Variants in CHGB observed in about 807,000 individuals in gnomAD.
CHGB encodes the protein chromogranin B, also known as secretogranin-1.
A neutral mutation model predicts 69.9 loss-of-function variants in CHGB; 46 were observed. The ratio of observed to expected loss-of-function variants is 0.66; its 90% CI spans 0.52 to 0.84. The LOEUF is 0.84. Among genes scored for constraint, CHGB ranks in the 40% least tolerant of loss-of-function variants. CHGB has a pLI of 0.00. For missense variants in CHGB, 796 were observed against 822.2 expected, an observed-to-expected ratio of 0.97 and a Z score of 0.39; for synonymous variants, 312 against 298.2, an observed-to-expected ratio of 1.05 and a Z score of -0.48.
rs531437204 is a variant in CHGB at position 5,922,687 on chromosome 20, T to C, written c.543T>C (p.Asp181=). The change falls in exon 4 of 5, where the codon GAT becomes GAC. Residue 181 remains aspartate, a synonymous_variant. Transcript: ENST00000378961. ...ENYQKGERGE[D]SSEEKHLEEP... ...ATCAAAAAGGGGAGCGAGGGGAAGA[T>C]AGCAGTGAAGAGAAACACCTTGAAG... 6.2e-7 allele frequency: 1 copy of C among 1,613,812 alleles called. No homozygotes were observed. Among genetic ancestry groups the C allele is most frequent in the South Asian group, 1.1e-5 (1 of 91,068 alleles).
intron 1 of CHGB, among the ~76,000 whole-genome samples, chr20:5,912,340 T>A (rs2088451537): frequency 6.6e-6 from 1 of 152,212 alleles, no homozygotes; most frequent in Non-Finnish European, 1.5e-5. Flanking sequence ...AGGAATTATT[T>A]TTTTTTAACC....
Position 5,923,946 on chromosome 20 carries a change from A to G in CHGB, c.1802A>G (p.Tyr601Cys). The G allele has an allele frequency of 6.2e-7, 1 of 1,614,178 alleles. No homozygotes were observed. The highest frequency in any genetic ancestry group is 8.5e-7 in the Non-Finnish European group (1 of 1,180,018). ...RVPKLDLKRQ[Y>C]DRVAQLDQLL... ...CCCAAGCTGGACCTGAAAAGGCAAT[A>G]TGACAGGGTGGCCCAACTGGACCAG... is the stretch of plus-strand genomic sequence containing the variant. Residue 601 changes from tyrosine to cysteine, a missense_variant, in exon 4 of 5, where the codon TAT (tyrosine) becomes TGT (cysteine). Transcript: ENST00000378961.
At chr20:5,915,005 C>G (rs1366625245) in intron 1 of CHGB, among the ~76,000 whole-genome samples, 1 of 152,192 alleles carries the variant, frequency 6.6e-6, no homozygotes, top group Non-Finnish European at 1.5e-5. Context: ...ATTTGAATAG[C>G]TTTCATGTCT....
intron 4 of CHGB, 55 bp downstream of exon 4, chr20:5,924,155 T>G: frequency 6.7e-7 from 1 of 1,494,746 alleles, no homozygotes; most frequent in Middle Eastern, 1.8e-4. Context: ...GTTAGCACAT[T>G]ATGTTCAAGA....
At position 5,925,050 on chromosome 20, in the gene CHGB, C is replaced by G; in HGVS notation, c.*1C>G. 1 of 1,604,974 alleles carries G rather than the reference C, an allele frequency of 6.2e-7. No individual in the cohort carries two copies. Among genetic ancestry groups the G allele is most frequent in the Non-Finnish European group, 8.5e-7 (1 of 1,172,082 alleles). ...TGAGAAATTCAGCCAAAGGGGCTGA[C>G]TGTCATTGGAGCGGTGGGCACTGTT... On this transcript the variant is annotated 3_prime_UTR_variant, in exon 5 of 5. Transcript: ENST00000378961.
At chr20:5,914,526 G>C (rs569256255) in intron 1 of CHGB, 1 of 152,168 alleles carries the variant, frequency 6.6e-6, no homozygotes, top group African/African-American at 2.4e-5. Context: ...AAAAGGGAAA[G>C]TATTAGCAAG....
At chr20:5,919,821 C>A (rs1274291655) in intron 3 of CHGB, among the ~76,000 whole-genome samples, 2 of 152,164 alleles carry the variant, frequency 1.3e-5, no homozygotes, top group Non-Finnish European at 2.9e-5. Context: ...TGTTCCACCC[C>A]ACGCCCATCT....
chr20:5,917,377 CAGTG>C lies in CHGB; in HGVS notation c.190+461_190+464del, dbSNP rs1156877055. On this transcript the variant is annotated intron_variant, in intron 3 of 4. Coordinates refer to ENST00000378961, the MANE Select transcript of CHGB (RefSeq NM_001819.3). ...TTCTCTTTGCCTTTTGCTCTTCTGA[CAGTG>C]AGAATCAGGAAGCTGAGAAGCAAGA... The C allele has an allele frequency of 1.9e-5, 3 of 159,240 alleles. No homozygotes were observed. In the South Asian group the frequency reaches 5.4e-4, roughly 29 times the overall value. The allele number at this position is 159,240 out of a possible 1,614,324, so 9.9% of individuals were successfully genotyped here. A position where few individuals can be genotyped will look rare whatever the true frequency, so the allele number is the denominator to read the frequency against.
intron 3 of CHGB, among the ~76,000 whole-genome samples, chr20:5,920,327 C>A (rs1369251060): frequency 6.6e-6 from 1 of 152,226 alleles, no homozygotes; most frequent in African/African-American, 2.4e-5. Flanking sequence ...CTATTTCAAC[C>A]AACTCTCAGA....
At chr20:5,915,827 A>G (rs2122568373) in intron 1 of CHGB, 1 of 152,838 alleles carries the variant, frequency 6.5e-6, no homozygotes, top group East Asian at 1.9e-4. Flanking sequence ...GGTTCAAGCA[A>G]TTCTCCTGCC....
intron 1 of CHGB, among the ~76,000 whole-genome samples, chr20:5,913,628 CTTTTT>C (rs918275521): frequency 4.4e-4 from 40 of 90,450 alleles, no homozygotes; most frequent in Non-Finnish European, 8.1e-4. Flanking sequence ...CTTTTCTTTT[CTTTTT>C]TTTTTTTTTT....
At chr20:5,918,161 A>AAAAAC (rs1165662996) in intron 3 of CHGB, among the ~76,000 whole-genome samples, 4 of 148,894 alleles carry the variant, frequency 2.7e-5, no homozygotes, top group African/African-American at 1.0e-4. Flanking sequence ...AAAAAAAAAA[A>AAAAAC]AAAAAAAAAA....
chr20:5,924,039 C>A lies in CHGB; in HGVS notation c.1895C>A (p.Thr632Asn). 1 of 1,613,628 alleles carries A rather than the reference C, an allele frequency of 6.2e-7. No homozygotes were observed. Among genetic ancestry groups the A allele is most frequent in the Non-Finnish European group, 8.5e-7 (1 of 1,179,780 alleles). ...TATGATTCTGAGGAGCCGGTGAGCA[C>A]CCACCAGGAGGCAGAAAATGAAAAG... ...DFYDSEEPVSTHQEAENEKDR... is the reference protein window; with the variant it reads ...DFYDSEEPVSNHQEAENEKDR... The change falls in exon 4 of 5, where the codon ACC (threonine) becomes AAC (asparagine). Residue 632 changes from threonine to asparagine, a missense_variant. Physicochemically the swap from Thr to Asn is moderately conservative, Grantham distance 65. This residue lies in a region of CHGB where 274 missense variants were observed against 298.9 expected (regional missense o/e 0.92). Coordinates refer to ENST00000378961, the MANE Select transcript of CHGB (RefSeq NM_001819.3).
intron 2 of CHGB, among the ~76,000 whole-genome samples, 171 bp downstream of exon 2, chr20:5,916,543 C>A (rs1203631372): frequency 6.6e-6 from 1 of 152,216 alleles, no homozygotes; most frequent in Non-Finnish European, 1.5e-5. Context: ...CTCCTATGTC[C>A]TGTCAGGATG....
intron 2 of CHGB, 97 bp from the exon 3 acceptor site, chr20:5,916,729 T>C: frequency 9.4e-7 from 1 of 1,060,244 alleles, no homozygotes; most frequent in East Asian, 2.4e-5. Context: ...TCAGCCCAGG[T>C]CACGTAATCA....
rs1185671297 is a variant in CHGB, at chr20:5,923,629, CAG to C, written c.1486_1487del (p.Arg496GlyfsTer4). The C allele has an allele frequency of 6.2e-7, 1 of 1,614,066 alleles. No individual in the cohort carries two copies. The highest frequency in any genetic ancestry group is 1.7e-5 in the Admixed American group (1 of 60,018). ...GAGACCTGCAGGACACTAAAGAAAA[CAG>C]GGAGGAAGCTAGGTTTCAAGATAAA... ...QGDLQDTKEN[R>X]EEARFQDKQY... On this transcript the variant is annotated frameshift_variant, in exon 4 of 5. Coordinates refer to ENST00000378961, the MANE Select transcript of CHGB (RefSeq NM_001819.3). LOFTEE classifies it high-confidence loss of function.
chr20:5,916,356 A>T lies in CHGB; in HGVS notation c.80A>T (p.Asn27Ile). 1 of 1,613,504 alleles carries T rather than the reference A, an allele frequency of 6.2e-7. No individual in the cohort carries two copies. Among genetic ancestry groups the T allele is most frequent in the Admixed American group, 1.7e-5 (1 of 60,024 alleles). ...AVNSMPVDNR[N>I]HNEGMVTRCI... ...AATTCCATGCCAGTGGATAACAGGA[A>T]CCACAATGAAGGAATGGTAAGTTGC... Residue 27 changes from asparagine (N) to isoleucine (I), a missense_variant, in exon 2 of 5, where the codon AAC (asparagine) becomes ATC (isoleucine). Physicochemically the swap from Asn to Ile is moderately radical, Grantham distance 149. This residue lies in a region of CHGB where 518 missense variants were observed against 506.3 expected (regional missense o/e 1.02). Transcript: ENST00000378961.
intron 3 of CHGB, among the ~76,000 whole-genome samples, chr20:5,920,346 A>G (rs1057165914): frequency 1.3e-5 from 2 of 152,240 alleles, no homozygotes; most frequent in Non-Finnish European, 2.9e-5. Flanking sequence ...GAATGACATC[A>G]GTATCTGTCT....
At chr20:5,913,547 A>G (rs1179649708) in intron 1 of CHGB, among the ~76,000 whole-genome samples, 2 of 152,060 alleles carry the variant, frequency 1.3e-5, no homozygotes, top group African/African-American at 4.8e-5. Flanking sequence ...AAAAATTAAT[A>G]TAAGGGAAGT....
Sources: gnomAD v4.1 joint callset for allele counts (sites outside exome capture counted in the v4.1 genomes callset) on GRCh38, gnomAD v4.1.1 for gene constraint, gnomAD v4.1.1 regional missense constraint, MANE v1.5 for transcripts, NCBI Gene and HGNC (gene_info 2026-07-23, HGNC 2026-07-21) for gene names.